The following SYCP2L variants were observed in gnomAD, a reference collection of about 807,000 sequenced individuals.
SYCP2L encodes the protein synaptonemal complex protein 2-like.
SYCP2L carries 98 observed loss-of-function variants against 125.8 expected under a neutral mutation model. That is an observed-to-expected ratio of 0.78 (90% confidence interval 0.66 to 0.92). SYCP2L has a LOEUF of 0.92. Among genes scored for constraint, SYCP2L ranks in the 40% least tolerant of loss-of-function variants. The probability of loss-of-function intolerance (pLI) is 0.00; values close to 1 mark genes in which losing one functional copy is unlikely to be tolerated. For synonymous variants in SYCP2L, 317 were observed against 325.4 expected (o/e 0.97, Z 0.28); for missense variants, 842 against 936.4 (o/e 0.90, Z 1.32).
In SYCP2L at chr6:10,960,028, G is replaced by A. The variant is rs141747247; in HGVS notation, c.2255+1153G>A. The stretch of plus-strand genomic sequence containing the variant: ...GGATGAGGAAAGGTAGTGGAGGGAT[G>A]GGTTTCTGTAGTGATTTGAGTTAAT... On this transcript the variant is annotated intron_variant, in intron 26 of 29. Coordinates refer to ENST00000283141, the MANE Select transcript of SYCP2L (RefSeq NM_001040274.3). Among the ~76,000 whole-genome samples the A allele has an allele frequency of 2.1e-3, 315 of 152,232 alleles. 5 individuals carry two copies. The East Asian group carries it at 0.045, about 22-fold the overall frequency.
Position 10,898,385 on chromosome 6 carries a change from C to A in SYCP2L, c.441+270C>A, listed in dbSNP as rs142564860. Among the ~76,000 whole-genome samples, 12 of 152,016 alleles carry A rather than the reference C, an allele frequency of 7.9e-5. 1 individual carries two copies. In the East Asian group the frequency reaches 2.3e-3, roughly 29 times the overall value. ...GAAATTCGCCGGGCGTGGTGGTGGGCGCCTGTAATTTCAGCTACTTGGGAG... is the reference window on the plus strand; with the variant it reads ...GAAATTCGCCGGGCGTGGTGGTGGGAGCCTGTAATTTCAGCTACTTGGGAG... On this transcript the variant is annotated intron_variant, in intron 5 of 29. Transcript: ENST00000283141.
rs1482247837 is a variant in SYCP2L at position 10,912,839 on chromosome 6, A to G, written c.1012-28A>G. On this transcript the variant is annotated intron_variant, in intron 13 of 29. Coordinates refer to ENST00000283141, the MANE Select transcript of SYCP2L (RefSeq NM_001040274.3). The surrounding 1 kb of genome is among the most constrained non-coding windows in gnomAD (Gnocchi z 4.1). ...TTATGTAAGTATGTGTTTTGCACTC[A>G]TGAATTTCACTTATTTATTTTCCCA... 1 of 1,612,838 alleles carries G rather than the reference A, an allele frequency of 6.2e-7. No homozygotes were observed. Among genetic ancestry groups the G allele is most frequent in the Non-Finnish European group, 8.5e-7 (1 of 1,179,112 alleles).
At chr6:10,923,089 C>T (rs1000860837) in intron 14 of SYCP2L, among the ~76,000 whole-genome samples, 3 of 152,174 alleles carry the variant, frequency 2.0e-5, no homozygotes, top group African/African-American at 7.2e-5. Context: ...GCTTTCAGTA[C>T]TCTGATGAGT....
chr6:10,973,902 G>A (rs1243773770), intron 29 of SYCP2L, 50 bp from the exon 30 acceptor site: 1 of 152,244 alleles, frequency 6.6e-6, no homozygotes, highest in Non-Finnish European at 1.5e-5. Context: ...ACTAAGAGGA[G>A]GACAGTTCGG....
rs1780622959 is a variant in SYCP2L at position 10,912,191 on chromosome 6, T to G, written c.919-482T>G. Among the ~76,000 whole-genome samples, 1 of 152,192 alleles carries G rather than the reference T, an allele frequency of 6.6e-6. No homozygotes were observed. The highest frequency in any genetic ancestry group is 2.4e-5 in the African/African-American group (1 of 41,454). Reference sequence around the variant, plus strand: ...AATCTTTCTTCCCCTGTTTTAACTCTAAGCATCTATTTATTTTAGAATAAT... The same window carrying G: ...AATCTTTCTTCCCCTGTTTTAACTCGAAGCATCTATTTATTTTAGAATAAT... On this transcript the variant is annotated intron_variant, in intron 12 of 29. Coordinates refer to ENST00000283141, the MANE Select transcript of SYCP2L (RefSeq NM_001040274.3). The surrounding 1 kb of genome is among the most constrained non-coding windows in gnomAD (Gnocchi z 4.1).
chr6:10,952,650 A>G (rs1354330808), intron 23 of SYCP2L, among the ~76,000 whole-genome samples: 1 of 151,506 alleles, frequency 6.6e-6, no homozygotes, highest in Non-Finnish European at 1.5e-5. Flanking sequence ...GTGATTGTTG[A>G]TCAGTGCCTA....
intron 8 of SYCP2L, among the ~76,000 whole-genome samples, chr6:10,903,359 T>C (rs910387277): frequency 7.2e-5 from 11 of 152,138 alleles, no homozygotes; most frequent in East Asian, 1.9e-4. Flanking sequence ...CCATCCTGGC[T>C]AACACAGTGA....
At position 10,900,642 on chromosome 6, in the gene SYCP2L, C is replaced by T. The variant is rs117959118; in HGVS notation, c.466+1794C>T. Reference sequence around the variant, plus strand: ...TGCTGGGATTACAGGCATGAGCCATCGCGCCTAGACGGAGCCAGAGCTCTT... The same window carrying T: ...TGCTGGGATTACAGGCATGAGCCATTGCGCCTAGACGGAGCCAGAGCTCTT... On this transcript the variant is annotated intron_variant, in intron 6 of 29. Transcript: ENST00000283141. 3.9e-5 allele frequency among the ~76,000 whole-genome samples: 6 copies of T among 152,212 alleles called. No individual in the cohort carries two copies. The East Asian group carries it at 7.7e-4, about 20-fold the overall frequency.
At chr6:10,931,745 A>C (rs943421065) in intron 20 of SYCP2L, among the ~76,000 whole-genome samples, 1 of 152,150 alleles carries the variant, frequency 6.6e-6, no homozygotes, top group African/African-American at 2.4e-5. Context: ...CGGGTGGATC[A>C]CTTGAGTTTG....
At chr6:10,905,685 C>T (rs1173992545) in intron 8 of SYCP2L, among the ~76,000 whole-genome samples, 1 of 152,182 alleles carries the variant, frequency 6.6e-6, no homozygotes, top group Non-Finnish European at 1.5e-5. Flanking sequence ...AAAGGACATA[C>T]GCCCTCACAG....
rs1304967408 is a variant in SYCP2L at position 10,930,526 on chromosome 6, A to G, written c.1633+12A>G. ...AAGTAATTTGAGAAGTAAGTCTGGCATGTCTTCTTTTGAATCACTTTTCAA... is the reference window on the plus strand; with the variant it reads ...AAGTAATTTGAGAAGTAAGTCTGGCGTGTCTTCTTTTGAATCACTTTTCAA... On this transcript the variant is annotated intron_variant, in intron 19 of 29. Coordinates refer to ENST00000283141, the MANE Select transcript of SYCP2L (RefSeq NM_001040274.3). 8 of 1,605,196 alleles carry G rather than the reference A, an allele frequency of 5.0e-6. No individual in the cohort carries two copies. Among genetic ancestry groups the G allele is most frequent in the Middle Eastern group, 1.7e-4 (1 of 5,980 alleles).
At chr6:10,922,727 A>G (rs141090322) in intron 14 of SYCP2L, 54 of 152,218 alleles carry the variant, frequency 3.5e-4, no homozygotes, top group African/African-American at 1.2e-3. Flanking sequence ...GTCCGGCAAG[A>G]TTAGTATTTT....
chr6:10,908,247 T>A (rs1484268424), intron 10 of SYCP2L, among the ~76,000 whole-genome samples: 1 of 151,920 alleles, frequency 6.6e-6, no homozygotes, highest in Non-Finnish European at 1.5e-5. Flanking sequence ...AAAAAAAAAG[T>A]CTTGGAAGGG....
At chr6:10,916,261 CAAAG>C (rs1268517839) in intron 14 of SYCP2L, among the ~76,000 whole-genome samples, 1 of 152,090 alleles carries the variant, frequency 6.6e-6, no homozygotes, top group Non-Finnish European at 1.5e-5. Flanking sequence ...TTTATCTTTT[CAAAG>C]AACCAGCTTT....
chr6:10,905,629 G>C (rs898031364), intron 8 of SYCP2L, among the ~76,000 whole-genome samples: 2 of 152,154 alleles, frequency 1.3e-5, no homozygotes, highest in Non-Finnish European at 2.9e-5. Context: ...CAGCTCATAG[G>C]AAAGAATCAC....
At chr6:10,925,535 GA>G (rs1247503419) in intron 15 of SYCP2L, among the ~76,000 whole-genome samples, 2 of 152,160 alleles carry the variant, frequency 1.3e-5, no homozygotes, top group African/African-American at 4.8e-5. Context: ...AGAAATTTGT[GA>G]CAAAAGGCAA....
intron 29 of SYCP2L, among the ~76,000 whole-genome samples, chr6:10,965,458 A>T (rs1164023856): frequency 6.6e-6 from 1 of 152,238 alleles, no homozygotes; most frequent in Non-Finnish European, 1.5e-5. Context: ...TTAACATTTT[A>T]ACTGGCAGAT....
Sources: allele counts gnomAD v4.1 joint callset (sites outside exome capture counted in the v4.1 genomes callset), GRCh38; gene constraint gnomAD v4.1.1; non-coding constraint Gnocchi (gnomAD v3.1); transcripts MANE v1.5; gene names NCBI Gene and HGNC (gene_info 2026-07-23, HGNC 2026-07-21).